Variants in AP3S2 observed in about 807,000 individuals in gnomAD.
The protein encoded by AP3S2 is AP-3 complex subunit sigma-2.
AP3S2 carries 22 observed loss-of-function variants against 23.4 expected under a neutral mutation model. The observed-to-expected ratio is 0.94, with a 90% CI of 0.67 to 1.34. AP3S2 has a LOEUF of 1.34. Ranked by LOEUF, AP3S2 falls within the 40% of genes most tolerant of loss-of-function variation. AP3S2 has a pLI of 0.00. For missense variants in AP3S2, 241 were observed against 236.9 expected (o/e 1.02, Z -0.11); for synonymous variants, 86 against 87.1 (o/e 0.99, Z 0.07).
At chr15:89,882,253 T>C (rs1160084169) in intron 3 of AP3S2, among the ~76,000 whole-genome samples, 14 of 152,102 alleles carry the variant, frequency 9.2e-5, no homozygotes, top group Admixed American at 9.2e-4. Flanking sequence ...GTAGTTTTAT[T>C]CATATTAATT....
intron 4 of AP3S2, chr15:89,838,006 C>G: frequency 2.8e-6 from 1 of 353,666 alleles, no homozygotes; most frequent in South Asian, 2.9e-5. Context: ...TACTTGCTAG[C>G]TGGGTGGCCC....
chr15:89,850,288 C>T (rs1309231174), intron 4 of AP3S2, among the ~76,000 whole-genome samples: 2 of 152,144 alleles, frequency 1.3e-5, no homozygotes, highest in Non-Finnish European at 2.9e-5. Flanking sequence ...ACATTCAATC[C>T]CTAGCCATTG....
chr15:89,846,836 A>T (rs1438254555), intron 4 of AP3S2, among the ~76,000 whole-genome samples: 2 of 151,504 alleles, frequency 1.3e-5, no homozygotes, highest in African/African-American at 4.9e-5. Flanking sequence ...CACCTGGCTA[A>T]TTTTTGTATT....
In AP3S2 at chr15:89,835,411, G is replaced by T; in HGVS notation, c.*104C>A. 6.5e-7 allele frequency: 1 copy of T among 1,546,334 alleles called. No individual in the cohort carries two copies. The highest frequency in any genetic ancestry group is 8.7e-7 in the Non-Finnish European group (1 of 1,145,738). ...CAGACACAAAGTTTCCAGGTCCTGA[G>T]GCTTGACTCTTCTAAGGCTCAAAAT... On this transcript the variant is annotated 3_prime_UTR_variant, in exon 6 of 6. Coordinates refer to ENST00000336418, the MANE Select transcript of AP3S2 (RefSeq NM_005829.5).
In AP3S2 at chr15:89,884,933, C is replaced by A. The variant is rs749787170; in HGVS notation, c.273+3588G>T. 2.0e-5 allele frequency among the ~76,000 whole-genome samples: 3 copies of A among 152,268 alleles called. 1 individual carries two copies. Among genetic ancestry groups the A allele is most frequent in the Middle Eastern group, 6.8e-3 (2 of 294 alleles). On this transcript the variant is annotated intron_variant, in intron 3 of 5. Coordinates refer to ENST00000336418, the MANE Select transcript of AP3S2 (RefSeq NM_005829.5). ...AAGTGCTGGGATCACAGGCGTGAGC[C>A]GCTGTGCCTGGCCCATCTTCCTTTT...
rs911160737 is a variant in AP3S2 at position 89,873,667 on chromosome 15, C to G, written c.274-2121G>C. On this transcript the variant is annotated intron_variant, in intron 3 of 5. Coordinates refer to ENST00000336418, the MANE Select transcript of AP3S2 (RefSeq NM_005829.5). ...AATTGATTAACTTGATTTTCTAATA[C>G]TTCAGTTGAAGTGGGTTTTTGTTTG... 2.0e-5 allele frequency among the ~76,000 whole-genome samples: 3 copies of G among 152,166 alleles called. No homozygotes were observed. In the South Asian group the frequency reaches 6.2e-4, roughly 32 times the overall value.
chr15:89,865,856 A>G (rs1330675601), intron 4 of AP3S2, among the ~76,000 whole-genome samples: 1 of 152,252 alleles, frequency 6.6e-6, no homozygotes, highest in Non-Finnish European at 1.5e-5. Context: ...AATCCTATGC[A>G]GCAATGAAAT....
chr15:89,860,000 G>A (rs1369397311), intron 4 of AP3S2, among the ~76,000 whole-genome samples: 1 of 151,998 alleles, frequency 6.6e-6, no homozygotes, highest in Non-Finnish European at 1.5e-5. Flanking sequence ...TCCTGACCTC[G>A]TGATCTGTCC....
intron 1 of AP3S2, among the ~76,000 whole-genome samples, chr15:89,889,671 T>TA (rs1896773660): frequency 6.7e-6 from 1 of 150,306 alleles, no homozygotes; most frequent in Non-Finnish European, 1.5e-5. Context: ...CCATCTCTAC[T>TA]AAAAATACAA....
At chr15:89,866,551 T>C (rs1472611122) in intron 4 of AP3S2, among the ~76,000 whole-genome samples, 2 of 151,378 alleles carry the variant, frequency 1.3e-5, no homozygotes, top group Non-Finnish European at 2.9e-5. Flanking sequence ...AATGGCATGA[T>C]CTCGGCTCCC....
intron 4 of AP3S2, among the ~76,000 whole-genome samples, chr15:89,860,886 C>T (rs1223638230): frequency 6.6e-6 from 1 of 152,140 alleles, no homozygotes; most frequent in Non-Finnish European, 1.5e-5. Context: ...TATGTTAACT[C>T]GCACCTTTTA....
chr15:89,866,171 A>G (rs917843521), intron 4 of AP3S2, among the ~76,000 whole-genome samples: 1 of 151,376 alleles, frequency 6.6e-6, no homozygotes, highest in African/African-American at 2.4e-5. Context: ...CTGAGACAGG[A>G]GAATCACTTG....
At chr15:89,867,045 T>C (rs867322243) in intron 4 of AP3S2, among the ~76,000 whole-genome samples, 1 of 102,368 alleles carries the variant, frequency 9.8e-6, no homozygotes, top group Non-Finnish European at 1.9e-5. Context: ...TCCCTCTCCC[T>C]CTCCCCACGG....
intron 4 of AP3S2, among the ~76,000 whole-genome samples, chr15:89,854,100 T>G (rs1250300795): frequency 9.3e-5 from 3 of 32,290 alleles, no homozygotes; most frequent in East Asian, 1.7e-3. Context: ...CGGCCAGCCG[T>G]GCCATCCGGG....
At chr15:89,838,907 A>T (rs1372202384) in intron 4 of AP3S2, among the ~76,000 whole-genome samples, 1 of 152,148 alleles carries the variant, frequency 6.6e-6, no homozygotes, top group Non-Finnish European at 1.5e-5. Context: ...AACTTTCTTT[A>T]TGCAGGAGAG....
intron 3 of AP3S2, among the ~76,000 whole-genome samples, chr15:89,871,869 G>A (rs1337297394): frequency 6.6e-6 from 1 of 152,022 alleles, no homozygotes; most frequent in Non-Finnish European, 1.5e-5. Flanking sequence ...AGCACTTTGA[G>A]AGCCCAAGGC....
intron 4 of AP3S2, among the ~76,000 whole-genome samples, chr15:89,840,034 G>A (rs1425844418): frequency 4.6e-5 from 7 of 152,276 alleles, no homozygotes; most frequent in African/African-American, 9.6e-5. Context: ...AAACTGGAAC[G>A]GGGGCTGCCA....
chr15:89,834,782 C>T lies in AP3S2; in HGVS notation c.*733G>A, dbSNP rs965208055. 6.6e-6 allele frequency: 1 copy of T among 152,156 alleles called. No individual in the cohort carries two copies. The highest frequency in any genetic ancestry group is 1.5e-5 in the Non-Finnish European group (1 of 68,076). The allele number at this position is 152,156 out of a possible 1,614,324, so 9.4% of individuals were successfully genotyped here. On this transcript the variant is annotated 3_prime_UTR_variant, in exon 6 of 6. Transcript: ENST00000336418. ...GGGCATGGTGGTGGGTGCCTGTAAT[C>T]CCAGCTACTGGGGAGGCTGAGACAG... is the stretch of plus-strand genomic sequence containing the variant.
intron 3 of AP3S2, among the ~76,000 whole-genome samples, chr15:89,878,875 C>T (rs1340423150): frequency 6.6e-6 from 1 of 152,132 alleles, no homozygotes; most frequent in Non-Finnish European, 1.5e-5. Context: ...GCCTCCTGAG[C>T]AGCTGGGATT....
Sources: allele counts gnomAD v4.1 joint callset (sites outside exome capture counted in the v4.1 genomes callset), GRCh38; gene constraint gnomAD v4.1.1; transcripts MANE v1.5; gene names NCBI Gene and HGNC (gene_info 2026-07-23, HGNC 2026-07-21).